Variants in HUWE1 observed in about 807,000 individuals in gnomAD.
HUWE1 encodes E3 ubiquitin-protein ligase HUWE1.
HUWE1 carries 18 observed loss-of-function variants against 299.4 expected under a neutral mutation model. That is an observed-to-expected ratio of 0.06 (90% CI 0.04 to 0.09). The LOEUF is 0.09. Among genes scored for constraint, HUWE1 ranks in the 10% least tolerant of loss-of-function variants. The probability of loss-of-function intolerance (pLI) is 1.00; values close to 1 mark genes in which losing one functional copy is unlikely to be tolerated. For synonymous variants in HUWE1, 1,317 were observed against 1,286.1 expected (o/e 1.02, Z -0.51); for missense variants, 1,832 against 3,462.3 (o/e 0.53, Z 11.82).
intron 33 of HUWE1, 105 bp from the exon 34 acceptor site, chrX:53,591,227 C>T: frequency 1.1e-6 from 1 of 936,175 alleles, no homozygotes; most frequent in Non-Finnish European, 1.5e-6. Context: ...CTAACTTCAT[C>T]TGGGCTGAGA....
chrX:53,555,791 G>A (rs2061983301), intron 60 of HUWE1, among the ~76,000 whole-genome samples: 1 of 109,315 alleles, frequency 9.1e-6, no homozygotes, highest in African/African-American at 3.4e-5. Context: ...ACAGGCGAGT[G>A]TCACCAAGCC....
chrX:53,634,748 C>G (rs781787336), intron 7 of HUWE1, among the ~76,000 whole-genome samples: 1 of 112,330 alleles, frequency 8.9e-6, no homozygotes, highest in South Asian at 3.6e-4. Flanking sequence ...GGGAGGAAAT[C>G]ATGCTTTCCA....
At position 53,576,944 on chromosome X, in the gene HUWE1, T is replaced by C. The variant is rs1483703467; in HGVS notation, c.5840A>G (p.Tyr1947Cys). The C allele has an allele frequency of 5.0e-6, 6 of 1,207,593 alleles. No homozygotes were observed. The Admixed American group carries it at 1.3e-4, about 26-fold the overall frequency. ...TGCAGCCAGAGCATTCAGCATATCA[T>C]AGATCACTTCCTTGATAGTATCAGG... is the stretch of plus-strand genomic sequence containing the variant. ...VIPDTIKEVI[Y>C]DMLNALAAYH... The change falls in exon 44 of 84, where the codon TAT (tyrosine) becomes TGT (cysteine). Residue 1947 changes from tyrosine to cysteine, a missense_variant. This residue lies in a region of HUWE1 where 157 missense variants were observed against 252.3 expected (regional missense o/e 0.62). Coordinates refer to ENST00000262854, the MANE Select transcript of HUWE1 (RefSeq NM_031407.7).
At position 53,592,432 on chromosome X, in the gene HUWE1, C is replaced by T. The variant is rs1556979918; in HGVS notation, c.3938G>A (p.Arg1313Gln). The change falls in exon 33 of 84, where the codon CGG (arginine) becomes CAG (glutamine). Residue 1313 changes from arginine to glutamine, a missense_variant. Arg to Gln is a conservative substitution (Grantham distance 43, BLOSUM62 1). Transcript: ENST00000262854. ...DTGQEEGGSR[R>Q]EPQVNQQQLQ... is the part of the protein sequence containing the mutation. ...TTGTTGCTGGTTGACTTGAGGTTCC[C>T]GGCGGGAGCCACCTTCCTCTTGCCC... is the stretch of plus-strand genomic sequence containing the variant. 4.1e-6 allele frequency: 5 copies of T among 1,210,223 alleles called. No individual in the cohort carries two copies. Among genetic ancestry groups the T allele is most frequent in the Non-Finnish European group, 5.6e-6 (5 of 894,827 alleles).
At position 53,561,786 on chromosome X, in the gene HUWE1, T is replaced by C. The variant is rs375594087; in HGVS notation, c.7477A>G (p.Ile2493Val). 7.4e-6 allele frequency: 9 copies of C among 1,211,044 alleles called. No individual in the cohort carries two copies. Among genetic ancestry groups the C allele is most frequent in the Non-Finnish European group, 1.0e-5 (9 of 895,107 alleles). ...ERFDREDDLIIEFDNMFSSAT... is the reference protein window; with the variant it reads ...ERFDREDDLIVEFDNMFSSAT... ...CTGGAGAACATGTTGTCAAACTCAA[T>C]GATGAGATCATCCTCCCGGTCAAAG... is the stretch of plus-strand genomic sequence containing the variant. The change falls in exon 55 of 84, where the codon ATT becomes GTT. Residue 2493 changes from isoleucine (I) to valine (V), a missense_variant. Physicochemically the swap from Ile to Val is conservative, Grantham distance 29. Transcript: ENST00000262854.
intron 21 of HUWE1, 58 bp from the exon 22 acceptor site, chrX:53,615,893 C>A (rs1366564149): frequency 5.8e-6 from 5 of 857,939 alleles, no homozygotes; most frequent in Non-Finnish European, 8.6e-6. Flanking sequence ...AGAGCTTGGG[C>A]TCTTTTCTGT....
chrX:53,614,078 A>G (rs1445862258), intron 23 of HUWE1, among the ~76,000 whole-genome samples: 3 of 110,994 alleles, frequency 2.7e-5, no homozygotes, highest in African/African-American at 9.9e-5. Context: ...TAGCCTGGTC[A>G]ACATGGTGAA....
rs1174372219 is a variant in HUWE1, at chrX:53,593,354, G to C, written c.3741+10C>G. 9.1e-7 allele frequency: 1 copy of C among 1,098,018 alleles called. No homozygotes were observed. The allele number at this position is 1,098,018 out of a possible 1,213,427, so 90.5% of individuals were successfully genotyped here. Reference sequence around the variant, plus strand: ...AAATTCCTTTTGATTTTAGAATACTGAATACTCACTTTCTGAGTTACCACA... The same window carrying C: ...AAATTCCTTTTGATTTTAGAATACTCAATACTCACTTTCTGAGTTACCACA... On this transcript the variant is annotated intron_variant, in intron 32 of 83. Coordinates refer to ENST00000262854, the MANE Select transcript of HUWE1 (RefSeq NM_031407.7).
chrX:53,563,957 C>T (rs2062412882), intron 51 of HUWE1, 136 bp from the exon 52 acceptor site: 1 of 699,515 alleles, frequency 1.4e-6, no homozygotes. Context: ...TGAAACCACA[C>T]ATTCGGTGCT....
Position 53,614,716 on chromosome X carries a change from C to T in HUWE1, c.2079G>A (p.Arg693=). The part of the protein sequence containing the change: ...KLLEEICNLG[R]DPKYICQKPS... ...GCTTCTGACAGATGTATTTGGGGTC[C>T]CTTCCAAGATTACAGATTTCTTCAA... The change falls in exon 23 of 84, where the codon AGG becomes AGA. Residue 693 remains arginine, a synonymous_variant. Transcript: ENST00000262854. 5.0e-6 allele frequency: 6 copies of T among 1,204,194 alleles called. No individual in the cohort carries two copies. In the East Asian group the frequency reaches 1.8e-4, roughly 36 times the overall value.
chrX:53,669,211 A>T (rs1676383381), intron 3 of HUWE1, among the ~76,000 whole-genome samples: 1 of 112,447 alleles, frequency 8.9e-6, no homozygotes, highest in Admixed American at 9.4e-5. Flanking sequence ...TAGTTCACTG[A>T]TAAGAAAGTT....
intron 30 of HUWE1, 48 bp from the exon 31 acceptor site, chrX:53,594,669 A>G (rs782765152): frequency 8.5e-7 from 1 of 1,179,306 alleles, no homozygotes; most frequent in East Asian, 3.0e-5. Context: ...TAAAGCAGAG[A>G]CAGAAGCAAT....
chrX:53,550,658 A>G lies in HUWE1; in HGVS notation c.9488+8T>C, dbSNP rs782146893. On this transcript the variant is annotated splice_region_variant and intron_variant, in intron 66 of 83. Coordinates refer to ENST00000262854, the MANE Select transcript of HUWE1 (RefSeq NM_031407.7). ...GTGATATGGTAAGGTAAAAATAGACAAAGGTACCTGTTATGGCTGCTGCTA... is the reference window on the plus strand; with the variant it reads ...GTGATATGGTAAGGTAAAAATAGACGAAGGTACCTGTTATGGCTGCTGCTA... The G allele has an allele frequency of 5.0e-6, 6 of 1,199,182 alleles. No individual in the cohort carries two copies. The highest frequency in any genetic ancestry group is 4.5e-6 in the Non-Finnish European group (4 of 884,554).
chrX:53,614,356 A>G (rs1224345744), intron 23 of HUWE1, among the ~76,000 whole-genome samples, 178 bp downstream of exon 23: 2 of 112,146 alleles, frequency 1.8e-5, no homozygotes, highest in African/African-American at 6.5e-5. Flanking sequence ...CCAAAGCACA[A>G]ATGACACACA....
chrX:53,596,101 A>T (rs2064448051), intron 29 of HUWE1, among the ~76,000 whole-genome samples: 1 of 112,592 alleles, frequency 8.9e-6, no homozygotes, highest in East Asian at 2.8e-4. Context: ...AAATGTTGCC[A>T]TAGCATTTTA....
intron 3 of HUWE1, among the ~76,000 whole-genome samples, chrX:53,656,612 T>C (rs1389928523): frequency 9.2e-6 from 1 of 109,061 alleles, no homozygotes; most frequent in Non-Finnish European, 1.9e-5. Context: ...CTAGTAAAGA[T>C]GTCAAATCTC....
chrX:53,609,429 GGA>G (rs1557000011), intron 23 of HUWE1, among the ~76,000 whole-genome samples: 1 of 112,220 alleles, frequency 8.9e-6, no homozygotes, highest in Non-Finnish European at 1.9e-5. Context: ...TTAAAGTTAT[GGA>G]GAGTAGGAAA....
intron 37 of HUWE1, among the ~76,000 whole-genome samples, chrX:53,587,470 TA>T (rs1234364765): frequency 1.8e-5 from 2 of 112,409 alleles, no homozygotes; most frequent in East Asian, 5.5e-4. Flanking sequence ...AAAATAGTCA[TA>T]ATACTTAACA....
At chrX:53,552,202 T>C in intron 63 of HUWE1, 109 bp downstream of exon 63, 1 of 934,009 alleles carries the variant, frequency 1.1e-6, no homozygotes, top group Non-Finnish European at 1.5e-6. Context: ...TCCTCCCACA[T>C]ACATGCCCTC....
Sources: allele counts gnomAD v4.1 joint callset (sites outside exome capture counted in the v4.1 genomes callset), GRCh38; gene constraint gnomAD v4.1.1; regional missense constraint gnomAD v4.1.1; transcripts MANE v1.5; gene names NCBI Gene and HGNC (gene_info 2026-07-23, HGNC 2026-07-21).